CPAMD8: variants seen among roughly 807,000 people sequenced by gnomAD.
CPAMD8 encodes C3 and PZP like alpha-2-macroglobulin domain containing 8.
Under a neutral mutation model 224.7 loss-of-function variants are expected in CPAMD8, and 146 were observed. The ratio of observed to expected loss-of-function variants is 0.65; its 90% CI spans 0.57 to 0.75. CPAMD8 has a LOEUF of 0.75. CPAMD8 is among the 30% of genes least tolerant of loss of function. The pLI is 0.00. For missense variants in CPAMD8, 2,301 were observed against 2,537.5 expected (o/e 0.91, Z 2.00); for synonymous variants, 966 against 1,044.6 (o/e 0.92, Z 1.45).
chr19:16,962,939 A>G (rs1478724292), intron 18 of CPAMD8, among the ~76,000 whole-genome samples: 8 of 152,320 alleles, frequency 5.3e-5, no homozygotes, highest in African/African-American at 1.9e-4. Flanking sequence ...ATCCGGCCAA[A>G]CTAAGCTTCA....
intron 9 of CPAMD8, among the ~76,000 whole-genome samples, chr19:17,001,299 C>A (rs12979168): frequency 1.6e-5 from 2 of 128,136 alleles, no homozygotes; most frequent in Non-Finnish European, 1.6e-5. Context: ...CCAGCCTGGG[C>A]GACAGAGTAA....
intron 18 of CPAMD8, among the ~76,000 whole-genome samples, chr19:16,958,125 T>C (rs550375225): frequency 4.1e-4 from 63 of 152,342 alleles, no homozygotes; most frequent in Non-Finnish European, 6.6e-4. Flanking sequence ...AACTTGTTTT[T>C]TTAAAAACTT....
chr19:16,956,110 C>A (rs937037707), intron 19 of CPAMD8, among the ~76,000 whole-genome samples: 3 of 152,082 alleles, frequency 2.0e-5, no homozygotes, highest in Non-Finnish European at 4.4e-5. Context: ...GAGAACATCC[C>A]GAATCCTAAA....
chr19:16,976,098 C>T lies in CPAMD8; in HGVS notation c.1812G>A (p.Leu604=), dbSNP rs1035154915. The change falls in exon 16 of 42, where the codon CTG becomes CTA. Residue 604 remains leucine (L), a synonymous_variant. Transcript: ENST00000443236. ...AGCTGCCCCTTGCAGCCCTGATCCG[C>T]AGGTCGACAACCTCCCCAGGTTGGG... ...NETQPGEVVD[L]RIRAARGSCV... 11 of 1,613,002 alleles carry T rather than the reference C, an allele frequency of 6.8e-6. No individual in the cohort carries two copies. The highest frequency in any genetic ancestry group is 2.7e-5 in the African/African-American group (2 of 74,910).
intron 30 of CPAMD8, among the ~76,000 whole-genome samples, chr19:16,906,382 CTTTCTTTCTTTCTTTCTT>C (rs1568459506): frequency 2.8e-5 from 2 of 70,668 alleles, no homozygotes; most frequent in African/African-American, 8.6e-5. Context: ...TTCTTTCTTT[CTTTCTTTCTTTCTTTCTT>C]TCTTTCTTTC....
At chr19:17,021,665 T>G (rs2056960799) in intron 2 of CPAMD8, among the ~76,000 whole-genome samples, 1 of 152,094 alleles carries the variant, frequency 6.6e-6, no homozygotes, top group Non-Finnish European at 1.5e-5. Context: ...AGTCTAATGG[T>G]TCAGGTGTGC....
intron 18 of CPAMD8, among the ~76,000 whole-genome samples, chr19:16,966,885 TTGG>T (rs2054845248): frequency 6.6e-6 from 1 of 152,184 alleles, no homozygotes; most frequent in Non-Finnish European, 1.5e-5. Flanking sequence ...TTTTACACTG[TTGG>T]TGGGAGTGTA....
intron 13 of CPAMD8, among the ~76,000 whole-genome samples, chr19:16,983,718 T>C (rs2055600626): frequency 6.6e-6 from 1 of 152,092 alleles, no homozygotes; most frequent in African/African-American, 2.4e-5. Context: ...CTTGGGGAAA[T>C]CCAAATAAAA....
chr19:16,919,524 G>T (rs952261074), intron 27 of CPAMD8, among the ~76,000 whole-genome samples: 1 of 152,204 alleles, frequency 6.6e-6, no homozygotes, highest in Non-Finnish European at 1.5e-5. Flanking sequence ...AAGATCCCCA[G>T]GCAGAAACAC....
rs377661319 is a variant in CPAMD8 at position 16,976,141 on chromosome 19, G to A, written c.1769C>T (p.Thr590Met). The change falls in exon 16 of 42, where the codon ACG (threonine) becomes ATG (methionine). Residue 590 changes from threonine (T) to methionine (M), a missense_variant. Thr to Met is a moderately conservative substitution (Grantham distance 81, BLOSUM62 -1). This residue lies in a region of CPAMD8 where 301 missense variants were observed against 406.6 expected (regional missense o/e 0.74). Transcript: ENST00000443236. ...AGGTTGGGTCTCATTTGCTGAATAC[G>A]TCACTGAAACCTTGGCGCAAATGCA... is the stretch of plus-strand genomic sequence containing the variant. ...ETFFENQVSV[T>M]YSANETQPGE... 1.0e-4 allele frequency: 163 copies of A among 1,610,510 alleles called. No homozygotes were observed. Among genetic ancestry groups the A allele is most frequent in the South Asian group, 5.4e-4 (49 of 90,570 alleles).
In CPAMD8 at chr19:16,977,353, T is replaced by G. The variant is rs1457343271; in HGVS notation, c.1758+15A>C. 3 of 1,598,232 alleles carry G rather than the reference T, an allele frequency of 1.9e-6. No individual in the cohort carries two copies. The highest frequency in any genetic ancestry group is 1.7e-5 in the Admixed American group (1 of 59,740). ...GCCCCTGGCTGTGTCCCAGGTTCAG[T>G]GCACGATGCTCTACCTGGTTTTCGA... On this transcript the variant is annotated intron_variant, in intron 15 of 41. Transcript: ENST00000443236.
At chr19:16,935,580 G>A (rs2053659498) in intron 23 of CPAMD8, among the ~76,000 whole-genome samples, 1 of 152,098 alleles carries the variant, frequency 6.6e-6, no homozygotes, top group Admixed American at 6.6e-5. Flanking sequence ...TGTATCAATA[G>A]TTTGTCCTTT....
intron 27 of CPAMD8, among the ~76,000 whole-genome samples, chr19:16,919,121 T>C (rs2053072585): frequency 6.6e-6 from 1 of 151,896 alleles, no homozygotes; most frequent in South Asian, 2.1e-4. Context: ...GAGAATTGCT[T>C]GAACCCAGGA....
chr19:16,938,784 C>G (rs1184654293), intron 22 of CPAMD8, among the ~76,000 whole-genome samples: 1 of 152,174 alleles, frequency 6.6e-6, no homozygotes, highest in Non-Finnish European at 1.5e-5. Context: ...GGGCAGAGGA[C>G]ATCATGAGGA....
rs2052107906 is a variant in CPAMD8, at chr19:16,898,167, C to CA, written c.4849-174dup. On this transcript the variant is annotated intron_variant, in intron 37 of 41. Transcript: ENST00000443236. The surrounding 1 kb of genome is among the most constrained non-coding windows in gnomAD (Gnocchi z 4.2). Reference sequence around the variant, plus strand: ...TTCTTTTTTTTTTTTTTTCCTGAGACAGAGTCTCGCGCTGTTGCCCAGGCT... The same window carrying CA: ...TTCTTTTTTTTTTTTTTTCCTGAGACAAGAGTCTCGCGCTGTTGCCCAGGCT... 1.7e-6 allele frequency: 1 copy of CA among 574,386 alleles called. No individual in the cohort carries two copies. Among genetic ancestry groups the CA allele is most frequent in the Admixed American group, 3.2e-5 (1 of 31,296 alleles). 35.6% of individuals were successfully genotyped at this position (574,386 alleles called of 1,614,324 possible).
chr19:16,968,783 G>A (rs1302578780), intron 18 of CPAMD8, among the ~76,000 whole-genome samples: 2 of 152,066 alleles, frequency 1.3e-5, no homozygotes, highest in Admixed American at 6.6e-5. Flanking sequence ...GGGACTACAG[G>A]CATGAGCCAC....
In CPAMD8 at chr19:16,997,150, C is replaced by T. The variant is rs750121216; in HGVS notation, c.1056G>A (p.Thr352=). Residue 352 remains threonine (T), a synonymous_variant, in exon 11 of 42, where the codon ACG becomes ACA. Transcript: ENST00000443236. ...QLVDIRYSKD[T]RKQFKPGLAY... ...CCAGGCCCGGCTTGAACTGCTTCCT[C>T]GTGTCCTTGGAGTACCGGATGTCCA... The T allele has an allele frequency of 1.5e-5, 24 of 1,609,258 alleles. No homozygotes were observed. Among genetic ancestry groups the T allele is most frequent in the Admixed American group, 1.7e-5 (1 of 59,936 alleles).
At chr19:16,906,160 C>T (rs974586931) in intron 30 of CPAMD8, among the ~76,000 whole-genome samples, 1 of 152,202 alleles carries the variant, frequency 6.6e-6, no homozygotes, top group Non-Finnish European at 1.5e-5. Context: ...CTTGGACAAG[C>T]CACTTCCTCA....
chr19:17,011,437 G>T (rs751992325), intron 5 of CPAMD8, 27 bp downstream of exon 5: 4 of 1,614,114 alleles, frequency 2.5e-6, no homozygotes, highest in East Asian at 2.2e-5. Context: ...TGCACTCCGG[G>T]CCCGCGGTTT....
Sources: allele counts gnomAD v4.1 joint callset (sites outside exome capture counted in the v4.1 genomes callset), GRCh38; gene constraint gnomAD v4.1.1; regional missense constraint gnomAD v4.1.1; non-coding constraint Gnocchi (gnomAD v3.1); transcripts MANE v1.5; gene names NCBI Gene and HGNC (gene_info 2026-07-23, HGNC 2026-07-21).